The following TNIP3 variants were observed in gnomAD, a reference collection of about 807,000 sequenced individuals.
TNIP3 encodes TNFAIP3 interacting protein 3, also known as TNFAIP3-interacting protein 3.
In TNIP3, 34 loss-of-function variants were observed where a neutral mutation model predicts 54.1. The ratio of observed to expected loss-of-function variants is 0.63; its 90% CI spans 0.48 to 0.84. The LOEUF is 0.84. Among genes scored for constraint, TNIP3 ranks in the 40% least tolerant of loss-of-function variants. TNIP3 has a pLI of 0.00. For synonymous variants in TNIP3, 134 were observed against 136.8 expected (o/e 0.98, Z 0.14); for missense variants, 366 against 387.6 (o/e 0.94, Z 0.47).
exon 3 of TNIP3, chr4:121,182,763 C>T: frequency 6.5e-7 from 1 of 1,534,152 alleles, no homozygotes; most frequent in Non-Finnish European, 8.7e-7. Context: ...CAATCAGATC[C>T]TGGATTTTTT....
At chr4:121,224,103 T>C (rs1727156590) in intron 1 of TNIP3, among the ~76,000 whole-genome samples, 1 of 152,040 alleles carries the variant, frequency 6.6e-6, no homozygotes, top group Admixed American at 6.6e-5. Context: ...TAATAAAAAG[T>C]TGAGATGCCA....
At chr4:121,195,853 G>A (rs1184197238) in intron 2 of TNIP3, among the ~76,000 whole-genome samples, 1 of 152,216 alleles carries the variant, frequency 6.6e-6, no homozygotes, top group Non-Finnish European at 1.5e-5. Context: ...CCAGCAGGGA[G>A]TGAAGTGAAC....
At chr4:121,133,205 C>G (rs1728578390) in intron 10 of TNIP3, among the ~76,000 whole-genome samples, 1 of 152,136 alleles carries the variant, frequency 6.6e-6, no homozygotes, top group Admixed American at 6.5e-5. Context: ...TAAGTTTACT[C>G]ATGGCAACAG....
intron 2 of TNIP3, among the ~76,000 whole-genome samples, chr4:121,198,751 T>C (rs1370320623): frequency 6.6e-6 from 1 of 152,198 alleles, no homozygotes; most frequent in African/African-American, 2.4e-5. Flanking sequence ...TTTTTAAAAG[T>C]TGGTTTATGT....
intron 2 of TNIP3, among the ~76,000 whole-genome samples, chr4:121,202,070 T>C (rs1418161766): frequency 6.6e-6 from 1 of 151,954 alleles, no homozygotes; most frequent in Non-Finnish European, 1.5e-5. Context: ...CTAAAATTCA[T>C]ATGGAACCAA....
At chr4:121,213,645 T>C (rs1221485296) in intron 2 of TNIP3, among the ~76,000 whole-genome samples, 1 of 150,758 alleles carries the variant, frequency 6.6e-6, no homozygotes, top group African/African-American at 2.5e-5. Flanking sequence ...GAGAATGGCA[T>C]GAACCCTGGA....
chr4:121,164,006 A>T (rs1560660224), intron 1 of TNIP3, 54 bp downstream of exon 1: 1 of 1,595,626 alleles, frequency 6.3e-7, no homozygotes, highest in Non-Finnish European at 8.6e-7. Context: ...TAACCACTAG[A>T]AATGCCATCA....
chr4:121,180,292 C>T (rs904247760), intron 3 of TNIP3, among the ~76,000 whole-genome samples: 3 of 151,686 alleles, frequency 2.0e-5, no homozygotes, highest in South Asian at 2.1e-4. Context: ...CCCAGCTACT[C>T]GGGAGGCTGA....
At position 121,154,534 on chromosome 4, in the gene TNIP3, C is replaced by T; in HGVS notation, c.492+17G>A. Reference sequence around the variant, plus strand: ...GGACTTCTCATTTTAATCTCCCATGCTTGACCTGACTGATACCTTATTGAG... The same window carrying T: ...GGACTTCTCATTTTAATCTCCCATGTTTGACCTGACTGATACCTTATTGAG... On this transcript the variant is annotated intron_variant, in intron 5 of 10. Coordinates refer to ENST00000057513, the MANE Select transcript of TNIP3 (RefSeq NM_024873.6). 6.2e-7 allele frequency: 1 copy of T among 1,612,898 alleles called. No individual in the cohort carries two copies. Among genetic ancestry groups the T allele is most frequent in the Non-Finnish European group, 8.5e-7 (1 of 1,179,636 alleles).
At position 121,216,400 on chromosome 4, in the gene TNIP3, A is replaced by G. The variant is rs977896348; in HGVS notation, c.68+15T>C. 13 of 1,530,550 alleles carry G rather than the reference A, an allele frequency of 8.5e-6. No individual in the cohort carries two copies. In the African/African-American group the frequency reaches 1.4e-4, roughly 16 times the overall value. The allele number at this position is 1,530,550 out of a possible 1,614,324, so 94.8% of individuals were successfully genotyped here. A position where few individuals can be genotyped will look rare whatever the true frequency, so the allele number is the denominator to read the frequency against. On this transcript the variant is annotated intron_variant, in intron 2 of 12. Coordinates refer to the TNIP3 transcript ENST00000507879. The stretch of plus-strand genomic sequence containing the variant: ...AGTATTAGAAGCATATAATCTCCAA[A>G]TAAACTGTTATTACCTTTCAGAATC...
intron 2 of TNIP3, among the ~76,000 whole-genome samples, chr4:121,200,687 G>A (rs1725836130): frequency 1.3e-5 from 2 of 152,156 alleles, no homozygotes; most frequent in East Asian, 1.9e-4. Flanking sequence ...TGGAGTTACT[G>A]CCAGTAATCA....
chr4:121,202,114 C>CA (rs1352619621), intron 2 of TNIP3, among the ~76,000 whole-genome samples: 1 of 151,996 alleles, frequency 6.6e-6, no homozygotes, highest in Non-Finnish European at 1.5e-5. Context: ...TAAAACTAAA[C>CA]AAAAAGAATG....
upstream of TNIP3, among the ~76,000 whole-genome samples, chr4:121,166,349 A>G (rs1730766638): frequency 6.6e-6 from 1 of 152,230 alleles, no homozygotes; most frequent in African/African-American, 2.4e-5. Context: ...GAGACTTTCA[A>G]TATGCCATCC....
intron 2 of TNIP3, among the ~76,000 whole-genome samples, chr4:121,197,471 G>T (rs1725660112): frequency 6.7e-6 from 1 of 149,750 alleles, no homozygotes; most frequent in South Asian, 2.1e-4. Flanking sequence ...AGTAGAGATT[G>T]CAGTAAGCCG....
intron 2 of TNIP3, among the ~76,000 whole-genome samples, chr4:121,184,236 C>A (rs1259554480): frequency 3.9e-5 from 6 of 152,036 alleles, no homozygotes; most frequent in Non-Finnish European, 7.4e-5. Flanking sequence ...TGCAGGAGTA[C>A]TTCTCAAAGT....
At chr4:121,174,141 T>C (rs963855008) in intron 3 of TNIP3, among the ~76,000 whole-genome samples, 2 of 152,230 alleles carry the variant, frequency 1.3e-5, no homozygotes, top group African/African-American at 4.8e-5. Context: ...CAGATTAGCT[T>C]GGATACTTCA....
chr4:121,168,596 T>A (rs1000031884), upstream of TNIP3, among the ~76,000 whole-genome samples: 16 of 151,088 alleles, frequency 1.1e-4, no homozygotes, highest in Admixed American at 9.2e-4. Flanking sequence ...TCATAGCTCA[T>A]TGTAACCTCC....
At chr4:121,192,708 AG>A (rs1187425627) in intron 2 of TNIP3, 1 of 152,186 alleles carries the variant, frequency 6.6e-6, no homozygotes, top group Non-Finnish European at 1.5e-5. Flanking sequence ...GTTCCGGAGA[AG>A]GGGTATGGGT....
At position 121,208,045 on chromosome 4, in the gene TNIP3, G is replaced by A. The variant is rs183626580; in HGVS notation, c.68+8370C>T. Among the ~76,000 whole-genome samples the A allele has an allele frequency of 7.9e-5, 12 of 152,162 alleles. No homozygotes were observed. The East Asian group carries it at 1.2e-3, about 15-fold the overall frequency. On this transcript the variant is annotated intron_variant, in intron 2 of 12. Coordinates refer to the TNIP3 transcript ENST00000507879. The stretch of plus-strand genomic sequence containing the variant: ...ATCTTCCTCATTTTCTCTTGCGGCC[G>A]CCATGATTCTGAGGCCTTTCCAGCC...
Sources: allele counts gnomAD v4.1 joint callset (sites outside exome capture counted in the v4.1 genomes callset), GRCh38; gene constraint gnomAD v4.1.1; transcripts MANE v1.5; gene names NCBI Gene and HGNC (gene_info 2026-07-23, HGNC 2026-07-21).